DNAJC11: variants seen among roughly 807,000 people sequenced by gnomAD.
DNAJC11 encodes the protein dnaJ homolog subfamily C member 11.
In DNAJC11, 15 loss-of-function variants were observed where a neutral mutation model predicts 78.6. The observed-to-expected ratio is 0.19, with a 90% CI of 0.13 to 0.29. The LOEUF (loss-of-function observed/expected upper bound fraction) is 0.29. Ranked by LOEUF, DNAJC11 falls within the 10% of genes least tolerant of loss-of-function variation. The pLI, the probability that DNAJC11 is intolerant of heterozygous loss-of-function variation, is 1.00. For missense variants in DNAJC11, 547 were observed against 709.6 expected (o/e 0.77, Z 2.60); for synonymous variants, 292 against 272.1 (o/e 1.07, Z -0.72).
chr1:6,669,308 G>A (rs191736320), intron 3 of DNAJC11, among the ~76,000 whole-genome samples: 6 of 151,510 alleles, frequency 4.0e-5, no homozygotes, highest in Non-Finnish European at 5.9e-5. Flanking sequence ...TCAGGAGTTT[G>A]AGATCAGCCT....
rs374290353 is a variant in DNAJC11, at chr1:6,667,742, TTC to T, written c.343_344del (p.Glu115ArgfsTer25). 718 of 1,433,364 alleles carry T rather than the reference TTC, an allele frequency of 5.0e-4. No homozygotes were observed. Among genetic ancestry groups the T allele is most frequent in the South Asian group, 9.2e-4 (69 of 74,730 alleles). The allele number at this position is 1,433,364 out of a possible 1,614,324, so 88.8% of individuals were successfully genotyped here. A position where few individuals can be genotyped will look rare whatever the true frequency, so the allele number is the denominator to read the frequency against. ...EEFERLQREREERRLQQRTNP... is the reference protein window; with the variant it reads ...EEFERLQRERXERRLQQRTNP... ...TGGTTCGCTGCTGCAATCTCCTCTCTTCTCTCTCTCTCTGCAGCCGCTCAAAC... is the reference window on the plus strand; with the variant it reads ...TGGTTCGCTGCTGCAATCTCCTCTCTTCTCTCTCTCTGCAGCCGCTCAAAC... On this transcript the variant is annotated frameshift_variant, in exon 4 of 16. Coordinates refer to ENST00000377577, the MANE Select transcript of DNAJC11 (RefSeq NM_018198.4). LOFTEE classifies it high-confidence loss of function.
At chr1:6,637,169 A>G in intron 14 of DNAJC11, 29 bp downstream of exon 14, 1 of 1,613,664 alleles carries the variant, frequency 6.2e-7, no homozygotes, top group Non-Finnish European at 8.5e-7. Context: ...CTGTGAGCAC[A>G]TAGCATGTGG....
chr1:6,689,753 G>C (rs1642715376), intron 1 of DNAJC11, among the ~76,000 whole-genome samples: 1 of 151,388 alleles, frequency 6.6e-6, no homozygotes, highest in Admixed American at 6.6e-5. Context: ...TCCAGCCTGG[G>C]CAACAAGAGC....
rs368912430 is a variant in DNAJC11, at chr1:6,639,890, G to C, written c.1253+12C>G. 1.1e-5 allele frequency: 17 copies of C among 1,611,998 alleles called. No individual in the cohort carries two copies. The highest frequency in any genetic ancestry group is 1.4e-5 in the Non-Finnish European group (17 of 1,179,114). On this transcript the variant is annotated intron_variant, in intron 11 of 15. Transcript: ENST00000377577. ...GGCTGGCTAGTGACATGCCCATGAC[G>C]TGTCAACTCACTTCTCTTTCTGAGC...
chr1:6,644,686 G>C lies in DNAJC11; in HGVS notation c.981-12C>G. ...CAAAGAAGCCTGCTCTGCAGGGAGAGAACGCGGTCTGTGCCTGTGCCCCTC... is the reference window on the plus strand; with the variant it reads ...CAAAGAAGCCTGCTCTGCAGGGAGACAACGCGGTCTGTGCCTGTGCCCCTC... On this transcript the variant is annotated splice_polypyrimidine_tract_variant and intron_variant, in intron 9 of 15. Coordinates refer to ENST00000377577, the MANE Select transcript of DNAJC11 (RefSeq NM_018198.4). 4 of 1,609,556 alleles carry C rather than the reference G, an allele frequency of 2.5e-6. No individual in the cohort carries two copies. Among genetic ancestry groups the C allele is most frequent in the Non-Finnish European group, 3.4e-6 (4 of 1,175,832 alleles).
intron 4 of DNAJC11, among the ~76,000 whole-genome samples, chr1:6,660,411 C>T (rs1290405822): frequency 1.3e-5 from 2 of 152,116 alleles, no homozygotes; most frequent in African/African-American, 4.8e-5. Flanking sequence ...CTGCCTCGGC[C>T]TGCCCAAGTG....
intron 15 of DNAJC11, 36 bp downstream of exon 15, chr1:6,636,081 C>G (rs1396155869): frequency 6.3e-7 from 1 of 1,598,380 alleles, no homozygotes; most frequent in East Asian, 2.2e-5. Flanking sequence ...GTCCCCGCCC[C>G]CGTTAGCTGG....
At chr1:6,648,824 G>A (rs974115692) in intron 7 of DNAJC11, among the ~76,000 whole-genome samples, 3 of 152,184 alleles carry the variant, frequency 2.0e-5, no homozygotes, top group East Asian at 1.9e-4. Flanking sequence ...CAACACTGAT[G>A]TGTATACAGA....
At chr1:6,674,596 A>G (rs1642431062) in intron 3 of DNAJC11, among the ~76,000 whole-genome samples, 1 of 151,940 alleles carries the variant, frequency 6.6e-6, no homozygotes, top group South Asian at 2.1e-4. Context: ...GGGCGTGGTG[A>G]TGCATGCCTG....
At chr1:6,701,432 G>C (rs919018804) in intron 1 of DNAJC11, among the ~76,000 whole-genome samples, 6 of 152,208 alleles carry the variant, frequency 3.9e-5, no homozygotes, top group African/African-American at 1.2e-4. Context: ...TGGCCTCCTC[G>C]GGGCCCCCGT....
At chr1:6,695,917 C>T (rs1328943953) in intron 1 of DNAJC11, among the ~76,000 whole-genome samples, 1 of 152,162 alleles carries the variant, frequency 6.6e-6, no homozygotes, top group Non-Finnish European at 1.5e-5. Context: ...AGCTGCAAAG[C>T]CCTACATAGT....
intron 7 of DNAJC11, among the ~76,000 whole-genome samples, chr1:6,647,674 T>C (rs1641986700): frequency 6.6e-6 from 1 of 151,972 alleles, no homozygotes; most frequent in Non-Finnish European, 1.5e-5. Flanking sequence ...AAAAATTAGC[T>C]AGGCGTGGTG....
At chr1:6,659,290 C>G (rs112073055) in intron 4 of DNAJC11, among the ~76,000 whole-genome samples, 98 of 152,344 alleles carry the variant, frequency 6.4e-4, no homozygotes, top group African/African-American at 2.3e-3. Flanking sequence ...GTTCCAGACA[C>G]ACTGGCCTCT....
At chr1:6,636,009 G>A in intron 15 of DNAJC11, 108 bp downstream of exon 15, 8 of 1,439,052 alleles carry the variant, frequency 5.6e-6, no homozygotes, top group Non-Finnish European at 7.4e-6. Context: ...TCTGCTCCCA[G>A]GTGGGCAGCT....
rs980551805 is a variant in DNAJC11, at chr1:6,645,241, G to A, written c.895-115C>T. On this transcript the variant is annotated intron_variant, in intron 8 of 15. Transcript: ENST00000377577. This position sits in a 1 kb window ranked among gnomAD's most constrained non-coding sequence, Gnocchi z 4.1. Reference sequence around the variant, plus strand: ...CTGCTGCACACAGGCCTTTAAGGCAGGGGTCACGGTCTGGCAGCCGCAGTG... The same window carrying A: ...CTGCTGCACACAGGCCTTTAAGGCAAGGGTCACGGTCTGGCAGCCGCAGTG... 49 of 788,308 alleles carry A rather than the reference G, an allele frequency of 6.2e-5. 1 individual carries two copies. In the South Asian group the frequency reaches 7.2e-4, roughly 12 times the overall value. The allele number at this position is 788,308 out of a possible 1,614,324, so 48.8% of individuals were successfully genotyped here. A position where few individuals can be genotyped will look rare whatever the true frequency, so the allele number is the denominator to read the frequency against.
Position 6,634,373 on chromosome 1 carries a change from G to A in DNAJC11, c.*1302C>T, listed in dbSNP as rs1641712913. 8.6e-7 allele frequency: 1 copy of A among 1,156,362 alleles called. No homozygotes were observed. The highest frequency in any genetic ancestry group is 3.2e-5 in the Admixed American group (1 of 31,412). 71.6% of individuals were successfully genotyped at this position (1,156,362 alleles called of 1,614,324 possible). A position where few individuals can be genotyped will look rare whatever the true frequency, so the allele number is the denominator to read the frequency against. On this transcript the variant is annotated 3_prime_UTR_variant, in exon 16 of 16. Coordinates refer to ENST00000377577, the MANE Select transcript of DNAJC11 (RefSeq NM_018198.4). ...TTAAAAAATGGAGATGAATGTTACA[G>A]AATTGGACAACCCGAACTGCTTTTC...
At chr1:6,673,394 ACCT>A (rs1042040086) in intron 3 of DNAJC11, among the ~76,000 whole-genome samples, 2 of 152,010 alleles carry the variant, frequency 1.3e-5, no homozygotes, top group Non-Finnish European at 2.9e-5. Flanking sequence ...AGGACCTCAA[ACCT>A]CCTGGGAGAC....
Position 6,645,017 on chromosome 1 carries a change from C to T in DNAJC11, c.980+24G>A. 6.2e-7 allele frequency: 1 copy of T among 1,609,710 alleles called. No homozygotes were observed. Among genetic ancestry groups the T allele is most frequent in the East Asian group, 2.2e-5 (1 of 44,838 alleles). The stretch of plus-strand genomic sequence containing the variant: ...CCCGCATGCAGTACCAGTGTGCTTC[C>T]ATTTTAGCCAGGCCAGGACTTACTT... On this transcript the variant is annotated intron_variant, in intron 9 of 15. Transcript: ENST00000377577. The surrounding 1 kb of genome is among the most constrained non-coding windows in gnomAD (Gnocchi z 4.1).
chr1:6,653,309 T>A lies in DNAJC11; in HGVS notation c.508-358A>T, dbSNP rs568166782. On this transcript the variant is annotated intron_variant, in intron 5 of 15. Transcript: ENST00000377577. This position sits in a 1 kb window ranked among gnomAD's most constrained non-coding sequence, Gnocchi z 4.5. ...TCCAGGGGGACTGAAGACCTTCCCA[T>A]GGCTGTATTCTGTATCAACTGACTC... 2.9e-4 allele frequency among the ~76,000 whole-genome samples: 44 copies of A among 152,272 alleles called. 1 individual carries two copies. Among genetic ancestry groups the A allele is most frequent in the African/African-American group, 1.0e-3 (42 of 41,568 alleles).
Sources: gnomAD v4.1 joint callset for allele counts (sites outside exome capture counted in the v4.1 genomes callset) on GRCh38, gnomAD v4.1.1 for gene constraint, Gnocchi (gnomAD v3.1) non-coding constraint, MANE v1.5 for transcripts, NCBI Gene and HGNC (gene_info 2026-07-23, HGNC 2026-07-21) for gene names.